DPF3: variants seen among roughly 807,000 people sequenced by gnomAD.
DPF3 encodes the protein double PHD fingers 3, also known as zinc finger protein DPF3.
Under a neutral mutation model 56.8 loss-of-function variants are expected in DPF3, and 18 were observed. The observed-to-expected ratio is 0.32, with a 90% CI of 0.22 to 0.47. The LOEUF (loss-of-function observed/expected upper bound fraction) is 0.47, where lower values mean the gene tolerates loss of function less well. Ranked by LOEUF, DPF3 falls within the 20% of genes least tolerant of loss-of-function variation. DPF3 has a pLI of 1.00. For synonymous variants in DPF3, 188 were observed against 180.2 expected, an observed-to-expected ratio of 1.04 and a Z score of -0.35; for missense variants, 403 against 488.8, an observed-to-expected ratio of 0.82 and a Z score of 1.65.
intron 6 of DPF3, among the ~76,000 whole-genome samples, chr14:72,701,697 C>T (rs570021868): frequency 6.6e-6 from 1 of 152,226 alleles, no homozygotes; most frequent in Non-Finnish European, 1.5e-5. Context: ...ATCAGCCCAA[C>T]TTGGAGCACA....
At chr14:72,857,177 G>A (rs1885200622) in intron 1 of DPF3, among the ~76,000 whole-genome samples, 1 of 152,100 alleles carries the variant, frequency 6.6e-6, no homozygotes, top group Non-Finnish European at 1.5e-5. Flanking sequence ...CTCTTGTCAA[G>A]GCAGCACCTC....
chr14:72,650,997 A>T (rs888694096), intron 8 of DPF3, among the ~76,000 whole-genome samples: 1 of 152,220 alleles, frequency 6.6e-6, no homozygotes, highest in Non-Finnish European at 1.5e-5. Context: ...CACTTGATCA[A>T]CTCAGACACT....
At chr14:72,769,357 G>T (rs1460180878) in intron 2 of DPF3, among the ~76,000 whole-genome samples, 1 of 152,100 alleles carries the variant, frequency 6.6e-6, no homozygotes, top group Non-Finnish European at 1.5e-5. Context: ...ATGGCAAGAA[G>T]GCCATCAGAA....
rs574684901 is a variant in DPF3, at chr14:72,641,247, A to G, written c.872-11511T>C. 5.9e-5 allele frequency among the ~76,000 whole-genome samples: 9 copies of G among 152,332 alleles called. No homozygotes were observed. The East Asian group carries it at 1.5e-3, about 26-fold the overall frequency. On this transcript the variant is annotated intron_variant, in intron 8 of 10. Transcript: ENST00000556509. ...AGCGCAGAGAGAAGAACTCATACAC[A>G]GATGGCCTCACAACATGCTTCTTCT... is the stretch of plus-strand genomic sequence containing the variant.
At chr14:72,776,577 C>T (rs574390615) in intron 1 of DPF3, among the ~76,000 whole-genome samples, 2 of 152,250 alleles carry the variant, frequency 1.3e-5, no homozygotes, top group East Asian at 1.9e-4. Context: ...GCCAACCAGG[C>T]TCCAAATGTG....
intron 3 of DPF3, among the ~76,000 whole-genome samples, chr14:72,733,795 C>T (rs1567215493): frequency 6.6e-6 from 1 of 152,196 alleles, no homozygotes; most frequent in Admixed American, 6.5e-5. Flanking sequence ...CTGCACTTTC[C>T]ACTTCCTCCA....
intron 1 of DPF3, among the ~76,000 whole-genome samples, chr14:72,802,728 T>C (rs1455110935): frequency 2.6e-5 from 4 of 152,234 alleles, no homozygotes; most frequent in Admixed American, 1.3e-4. Context: ...TATTTTCAGA[T>C]ACAAAGTGGA....
intron 1 of DPF3, among the ~76,000 whole-genome samples, chr14:72,843,058 T>C (rs1884615609): frequency 6.6e-6 from 1 of 152,002 alleles, no homozygotes; most frequent in Non-Finnish European, 1.5e-5. Context: ...TGATTAAGGA[T>C]AAAGCAATCC....
chr14:72,800,454 A>C (rs1892831935), intron 1 of DPF3, among the ~76,000 whole-genome samples: 1 of 152,106 alleles, frequency 6.6e-6, no homozygotes, highest in African/African-American at 2.4e-5. Flanking sequence ...GGATGCATGG[A>C]TGGATGGATG....
At chr14:72,812,467 T>A (rs1883093528) in intron 1 of DPF3, among the ~76,000 whole-genome samples, 1 of 151,978 alleles carries the variant, frequency 6.6e-6, no homozygotes, top group Non-Finnish European at 1.5e-5. Context: ...GGGAGGGGCT[T>A]GGAGGCAACA....
At chr14:72,654,525 C>T (rs4899437) in intron 8 of DPF3, among the ~76,000 whole-genome samples, 12 of 151,890 alleles carry the variant, frequency 7.9e-5, no homozygotes, top group Admixed American at 5.9e-4. Context: ...AGTGGAGAAG[C>T]CTTTAGAGCC....
intron 8 of DPF3, among the ~76,000 whole-genome samples, chr14:72,652,106 A>T (rs1321155165): frequency 1.3e-5 from 2 of 152,204 alleles, no homozygotes; most frequent in African/African-American, 4.8e-5. Context: ...ATTGTCACAT[A>T]AGGGAAAATG....
At chr14:72,751,046 C>T (rs1195533029) in intron 3 of DPF3, among the ~76,000 whole-genome samples, 1 of 151,948 alleles carries the variant, frequency 6.6e-6, no homozygotes, top group African/African-American at 2.4e-5. Context: ...CAAAATTAGC[C>T]AGACATGGTG....
At chr14:72,666,024 C>T (rs1431532989) in intron 8 of DPF3, among the ~76,000 whole-genome samples, 1 of 152,184 alleles carries the variant, frequency 6.6e-6, no homozygotes, top group Non-Finnish European at 1.5e-5. Context: ...TTCCATCATT[C>T]CCATTTATTT....
chr14:72,819,735 A>G (rs1360798430), intron 1 of DPF3, among the ~76,000 whole-genome samples: 1 of 152,154 alleles, frequency 6.6e-6, no homozygotes, highest in Non-Finnish European at 1.5e-5. Flanking sequence ...CCAGGAGTTC[A>G]AGACCAGCCT....
chr14:72,821,495 G>C (rs1439191948), intron 1 of DPF3, among the ~76,000 whole-genome samples: 1 of 151,104 alleles, frequency 6.6e-6, no homozygotes, highest in Non-Finnish European at 1.5e-5. Context: ...TAAGCCACTA[G>C]GTTGAGTAAA....
chr14:72,708,072 A>G (rs774798623), intron 6 of DPF3, among the ~76,000 whole-genome samples: 1 of 152,224 alleles, frequency 6.6e-6, no homozygotes, highest in Admixed American at 6.5e-5. Context: ...CAGTTAGTGG[A>G]GAGCAAGGTT....
chr14:72,670,144 A>G (rs1886604476), intron 8 of DPF3: 2 of 985,858 alleles, frequency 2.0e-6, no homozygotes, highest in Non-Finnish European at 2.4e-6. Flanking sequence ...TGATCATCCA[A>G]TGGGTATTGA....
At chr14:72,723,361 TTCCACCCTCACCC>T (rs111551134) in intron 5 of DPF3, among the ~76,000 whole-genome samples, 4 of 152,230 alleles carry the variant, frequency 2.6e-5, no homozygotes, top group African/African-American at 9.6e-5. Flanking sequence ...TCTCCTTATC[TTCCACCCTCACCC>T]TGATCCCACC....
Sources: gnomAD v4.1 joint callset for allele counts (sites outside exome capture counted in the v4.1 genomes callset) on GRCh38, gnomAD v4.1.1 for gene constraint, MANE v1.5 for transcripts, NCBI Gene and HGNC (gene_info 2026-07-23, HGNC 2026-07-21) for gene names.